The following PIP5K1A variants were observed in gnomAD, a reference collection of about 807,000 sequenced individuals.
PIP5K1A encodes the protein phosphatidylinositol 4-phosphate 5-kinase type-1 alpha.
Under a neutral mutation model 72.9 loss-of-function variants are expected in PIP5K1A, and 46 were observed. The ratio of observed to expected loss-of-function variants is 0.63; its 90% CI spans 0.50 to 0.81. The LOEUF is 0.81. Among genes scored for constraint, PIP5K1A ranks in the 30% least tolerant of loss-of-function variants. The pLI, the probability that PIP5K1A is intolerant of heterozygous loss-of-function variation, is 0.00. For missense variants in PIP5K1A, 458 were observed against 706.1 expected, an observed-to-expected ratio of 0.65 and a Z score of 3.98; for synonymous variants, 228 against 255.1, an observed-to-expected ratio of 0.89 and a Z score of 1.01.
At chr1:151,246,823 G>A in intron 14 of PIP5K1A, 97 bp from the exon 15 acceptor site, 1 of 847,964 alleles carries the variant, frequency 1.2e-6, no homozygotes, top group Non-Finnish European at 1.9e-6. Context: ...ATTCCAAAGT[G>A]AAAATTAGAG....
At chr1:151,231,352 A>G (rs149911535) in intron 4 of PIP5K1A, among the ~76,000 whole-genome samples, 2 of 152,178 alleles carry the variant, frequency 1.3e-5, no homozygotes, top group African/African-American at 2.4e-5. Flanking sequence ...TGTCAATACA[A>G]TGTATCTTCC....
At chr1:151,197,367 C>T (rs1684654378), upstream of PIP5K1A, among the ~76,000 whole-genome samples, 1 of 152,130 alleles carries the variant, frequency 6.6e-6, no homozygotes, top group East Asian at 1.9e-4. Flanking sequence ...CAAGCTCCGC[C>T]TCCCAGGTTC....
At chr1:151,201,575 T>C (rs1172733743) in intron 1 of PIP5K1A, among the ~76,000 whole-genome samples, 1 of 151,984 alleles carries the variant, frequency 6.6e-6, no homozygotes, top group Non-Finnish European at 1.5e-5. Flanking sequence ...AGACTAGTCT[T>C]GAACTCCTGA....
chr1:151,216,210 A>G (rs1363166294), intron 1 of PIP5K1A, among the ~76,000 whole-genome samples: 1 of 152,006 alleles, frequency 6.6e-6, no homozygotes, highest in Admixed American at 6.6e-5. Context: ...TTAGCTGGGC[A>G]TGGTGGCGGG....
At chr1:151,244,291 T>C (rs1692180457) in intron 14 of PIP5K1A, among the ~76,000 whole-genome samples, 1 of 152,118 alleles carries the variant, frequency 6.6e-6, no homozygotes, top group African/African-American at 2.4e-5. Context: ...CTGAACAATA[T>C]AGTATAACAA....
chr1:151,212,566 G>A (rs1050690789), intron 1 of PIP5K1A, among the ~76,000 whole-genome samples: 7 of 150,648 alleles, frequency 4.6e-5, no homozygotes, highest in Non-Finnish European at 8.9e-5. Flanking sequence ...GACATGGTGT[G>A]ATGATTCGAC....
chr1:151,215,892 G>A (rs1044609002), intron 1 of PIP5K1A: 6 of 778,328 alleles, frequency 7.7e-6, no homozygotes, highest in Admixed American at 4.7e-5. Flanking sequence ...TTAAAAACAT[G>A]TATGCTTATC....
chr1:151,236,764 G>C lies in PIP5K1A; in HGVS notation c.1145+1G>C. 1 of 1,599,350 alleles carries C rather than the reference G, an allele frequency of 6.3e-7. No individual in the cohort carries two copies. The highest frequency in any genetic ancestry group is 8.5e-7 in the Non-Finnish European group (1 of 1,170,408). ...GTGGTACCATGGAGACTGATGACCA[G>C]TAAGTGGGCTCAGGGCCACTAGGGG... On this transcript the variant is annotated splice_donor_variant, in intron 9 of 15. Transcript: ENST00000368888. LOFTEE classifies it high-confidence loss of function.
intron 14 of PIP5K1A, among the ~76,000 whole-genome samples, chr1:151,244,515 G>T (rs956821892): frequency 6.6e-5 from 10 of 152,118 alleles, no homozygotes. Context: ...AATTAGCCAG[G>T]CGTGGTGGTA....
chr1:151,246,976 G>A lies in PIP5K1A; in HGVS notation c.1686+11G>A. ...TCAGAGTTCACCCATGTGAGTATCT[G>A]GGATGTGTGGGAGGTGAACGTTTTG... is the stretch of plus-strand genomic sequence containing the variant. On this transcript the variant is annotated intron_variant, in intron 15 of 15. Coordinates refer to ENST00000368888, the MANE Select transcript of PIP5K1A (RefSeq NM_001135638.2). 1 of 1,609,754 alleles carries A rather than the reference G, an allele frequency of 6.2e-7. No homozygotes were observed. Among genetic ancestry groups the A allele is most frequent in the Non-Finnish European group, 8.5e-7 (1 of 1,176,196 alleles).
chr1:151,216,951 CG>C (rs1470143683), intron 1 of PIP5K1A, among the ~76,000 whole-genome samples: 2 of 143,512 alleles, frequency 1.4e-5, no homozygotes, highest in Non-Finnish European at 3.0e-5. Context: ...CTCGCTCTGT[CG>C]CCCAGGCTAG....
intron 1 of PIP5K1A, among the ~76,000 whole-genome samples, chr1:151,205,797 C>CA (rs1384531013): frequency 4.0e-5 from 6 of 151,240 alleles, no homozygotes; most frequent in Non-Finnish European, 8.8e-5. Context: ...GACTCCGTCT[C>CA]AAAAAAAAGA....
In PIP5K1A at chr1:151,227,385, G is replaced by A; in HGVS notation, c.222G>A (p.Glu74=). 2 of 1,610,874 alleles carry A rather than the reference G, an allele frequency of 1.2e-6. No individual in the cohort carries two copies. The highest frequency in any genetic ancestry group is 1.7e-5 in the Admixed American group (1 of 59,998). The change falls in exon 4 of 16, where the codon GAG becomes GAA. Residue 74 remains glutamate (E), a synonymous_variant. Coordinates refer to ENST00000368888, the MANE Select transcript of PIP5K1A (RefSeq NM_001135638.2). ...ATAGAAGTGTTGATTCCTCAGGAGA[G>A]ACAACATATAAAAAGGTGTGTCTGG... ...IGHRSVDSSG[E]TTYKKTTSSA...
rs2101776055 is a variant in PIP5K1A at position 151,199,077 on chromosome 1, C to T, written c.81C>T (p.Ser27=). The T allele has an allele frequency of 1.9e-6, 3 of 1,614,094 alleles. No individual in the cohort carries two copies. The highest frequency in any genetic ancestry group is 1.7e-5 in the Admixed American group (1 of 60,020). ...CCGCGGTCCCTTCCTGTACCTTGTCCTCAGGTAAGCCCGGCAGGGCGTGGG... is the reference window on the plus strand; with the variant it reads ...CCGCGGTCCCTTCCTGTACCTTGTCTTCAGGTAAGCCCGGCAGGGCGTGGG... ...FDPAVPSCTL[S]SAASGIKRPM... is the part of the protein sequence containing the mutation. Residue 27 remains serine (S), a synonymous_variant, in exon 1 of 16, where the codon TCC becomes TCT. Coordinates refer to ENST00000368888, the MANE Select transcript of PIP5K1A (RefSeq NM_001135638.2).
At chr1:151,205,064 T>G (rs1213983788) in intron 1 of PIP5K1A, among the ~76,000 whole-genome samples, 1 of 152,226 alleles carries the variant, frequency 6.6e-6, no homozygotes, top group Non-Finnish European at 1.5e-5. Flanking sequence ...AAGTGGAAAC[T>G]ATAGCCTGTG....
rs76604786 is a variant in PIP5K1A at position 151,214,265 on chromosome 1, T to C, written c.86-9980T>C. Among the ~76,000 whole-genome samples, 688 of 152,348 alleles carry C rather than the reference T, an allele frequency of 4.5e-3. 6 individuals carry two copies. Among genetic ancestry groups the C allele is most frequent in the African/African-American group, 0.016 (653 of 41,592 alleles). On this transcript the variant is annotated intron_variant, in intron 1 of 15. Transcript: ENST00000368888. ...TGTATATCCTTGTAATGTATAACCTTGTATATACATCTTTGTTTGCTTCAC... is the reference window on the plus strand; with the variant it reads ...TGTATATCCTTGTAATGTATAACCTCGTATATACATCTTTGTTTGCTTCAC...
intron 14 of PIP5K1A, among the ~76,000 whole-genome samples, chr1:151,245,785 C>G (rs1692417982): frequency 1.3e-5 from 2 of 152,152 alleles, no homozygotes; most frequent in Non-Finnish European, 2.9e-5. Flanking sequence ...ATCTGCCTGC[C>G]TCAGGCTCCC....
At chr1:151,215,853 T>G in intron 1 of PIP5K1A, 1 of 506,564 alleles carries the variant, frequency 2.0e-6, no homozygotes, top group Non-Finnish European at 3.8e-6. Flanking sequence ...TCTGACCAGG[T>G]CCAGTTCATA....
Position 151,209,808 on chromosome 1 carries a change from G to A in PIP5K1A, c.85+10727G>A, listed in dbSNP as rs587715651. On this transcript the variant is annotated intron_variant, in intron 1 of 15. Coordinates refer to ENST00000368888, the MANE Select transcript of PIP5K1A (RefSeq NM_001135638.2). ...GTCTTGAACTCCTAATCCTAACCTC[G>A]TGATCTGCCCACCTCAGCCTTCCAA... Among the ~76,000 whole-genome samples, 37 of 151,908 alleles carry A rather than the reference G, an allele frequency of 2.4e-4. No homozygotes were observed. In the South Asian group the frequency reaches 5.8e-3, roughly 24 times the overall value.
Sources: gnomAD v4.1 joint callset for allele counts (sites outside exome capture counted in the v4.1 genomes callset) on GRCh38, gnomAD v4.1.1 for gene constraint, MANE v1.5 for transcripts, NCBI Gene and HGNC (gene_info 2026-07-23, HGNC 2026-07-21) for gene names.